IDE: variants seen among roughly 807,000 people sequenced by gnomAD.
The protein encoded by IDE is insulin degrading enzyme.
A neutral mutation model predicts 133.2 loss-of-function variants in IDE; 58 were observed. That is an observed-to-expected ratio of 0.44 (90% CI 0.35 to 0.54). IDE has a LOEUF of 0.54. Ranked by LOEUF, IDE falls within the 20% of genes least tolerant of loss-of-function variation. The pLI, the probability that IDE is intolerant of heterozygous loss-of-function variation, is 0.00. For missense variants in IDE, 981 were observed against 1,234.0 expected (o/e 0.79, Z 3.07); for synonymous variants, 396 against 421.3 (o/e 0.94, Z 0.73).
intron 5 of IDE, among the ~76,000 whole-genome samples, chr10:92,510,774 G>A (rs1046061408): frequency 3.5e-5 from 2 of 57,320 alleles, no homozygotes; most frequent in East Asian, 6.1e-4. Flanking sequence ...ATGATATATA[G>A]CACATACATC....
chr10:92,508,118 C>T lies in IDE; in HGVS notation c.1148G>A (p.Gly383Glu). 6.2e-7 allele frequency: 1 copy of T among 1,607,682 alleles called. No homozygotes were observed. The change falls in exon 8 of 25, where the codon GGA (glycine) becomes GAA (glutamate). Residue 383 changes from glycine to glutamate, a missense_variant. Physicochemically the swap from Gly to Glu is moderately conservative, Grantham distance 98 (BLOSUM62 -2). This residue lies in a region of IDE where 660 missense variants were observed against 894.7 expected (regional missense o/e 0.74). Coordinates refer to ENST00000265986, the MANE Select transcript of IDE (RefSeq NM_004969.4). ...AAAGGTGAATCAATACTTACATAATCCTTCCTCGGTCAAGTCCACATTAAT... is the reference window on the plus strand; with the variant it reads ...AAAGGTGAATCAATACTTACATAATTCTTCCTCGGTCAAGTCCACATTAAT... ...FIINVDLTEE[G>E]LLHVEDIILH...
chr10:92,455,619 C>G lies in IDE; in HGVS notation c.2921G>C (p.Cys974Ser). 6.3e-7 allele frequency: 1 copy of G among 1,599,448 alleles called. No homozygotes were observed. ...DSCPVVGEFP[C>S]QNDINLSQAP... ...TTGTGACAAATTTATGTCATTTTGA[C>G]ATGGGAACTCTCCAACAACAGGACC... Residue 974 changes from cysteine (C) to serine (S), a missense_variant, in exon 24 of 25, where the codon TGT becomes TCT. By Grantham distance (112) the Cys-to-Ser change is moderately radical (BLOSUM62 -1). This residue lies in a region of IDE where 660 missense variants were observed against 894.7 expected (regional missense o/e 0.74). Transcript: ENST00000265986.
At chr10:92,462,317 T>TAA (rs57235158) in intron 21 of IDE, among the ~76,000 whole-genome samples, 2,425 of 75,102 alleles carry the variant, frequency 0.032, 61 homozygotes, top group Middle Eastern at 0.051. Flanking sequence ...AACTGTCTCA[T>TAA]AAAAAAAAAA....
chr10:92,471,902 T>C (rs1845987408), intron 17 of IDE, among the ~76,000 whole-genome samples: 1 of 152,040 alleles, frequency 6.6e-6, no homozygotes, highest in South Asian at 2.1e-4. Flanking sequence ...TTTTGCCATG[T>C]TTAATTGATC....
At chr10:92,537,344 A>G (rs1426815890) in intron 2 of IDE, 22 bp downstream of exon 2, 26 of 1,565,868 alleles carry the variant, frequency 1.7e-5, no homozygotes, top group African/African-American at 2.7e-5. Flanking sequence ...AACAAAGCTT[A>G]ATTCACAATT....
At chr10:92,516,664 A>AT (rs1424266755) in intron 4 of IDE, among the ~76,000 whole-genome samples, 2 of 152,098 alleles carry the variant, frequency 1.3e-5, no homozygotes, top group Non-Finnish European at 2.9e-5. Context: ...TCACTGAGGG[A>AT]TTTTTTTAGA....
intron 13 of IDE, among the ~76,000 whole-genome samples, chr10:92,483,960 CCAA>C (rs1782601015): frequency 1.3e-5 from 2 of 152,258 alleles, no homozygotes; most frequent in Middle Eastern, 3.4e-3. Flanking sequence ...TTAAGGCTGG[CCAA>C]CAACCACATA....
At chr10:92,474,356 A>AC (rs1846138165) in intron 17 of IDE, 1 of 152,604 alleles carries the variant, frequency 6.6e-6, no homozygotes, top group African/African-American at 2.4e-5. Context: ...GGTATGTGCA[A>AC]CCCAGCCCTT....
rs1480712371 is a variant in IDE, at chr10:92,531,997, TTAGA to T, written c.492-84_492-81del. On this transcript the variant is annotated intron_variant, in intron 3 of 24. Coordinates refer to ENST00000265986, the MANE Select transcript of IDE (RefSeq NM_004969.4). ...CTTTTAGAAAGATTTTTGGAACTTA[TTAGA>T]TAGGAAATGTAAATTTTGCAGAATC... 3.9e-5 allele frequency: 39 copies of T among 1,007,320 alleles called. No individual in the cohort carries two copies. The Admixed American group carries it at 9.1e-4, about 24-fold the overall frequency. The allele number at this position is 1,007,320 out of a possible 1,614,324, so 62.4% of individuals were successfully genotyped here. A position where few individuals can be genotyped will look rare whatever the true frequency, so the allele number is the denominator to read the frequency against.
chr10:92,518,351 A>G (rs1849039803), intron 4 of IDE, among the ~76,000 whole-genome samples: 1 of 152,142 alleles, frequency 6.6e-6, no homozygotes, highest in African/African-American at 2.4e-5. Flanking sequence ...TCCTCAACTG[A>G]CATTAGTGGA....
intron 13 of IDE, 125 bp downstream of exon 13, chr10:92,487,071 T>G (rs1402892726): frequency 1.2e-6 from 1 of 817,498 alleles, no homozygotes; most frequent in Middle Eastern, 2.4e-4. Context: ...GCAGCTTTTT[T>G]GTCACCTATT....
chr10:92,533,935 A>C (rs1850082989), intron 3 of IDE, among the ~76,000 whole-genome samples: 1 of 152,092 alleles, frequency 6.6e-6, no homozygotes, highest in Non-Finnish European at 1.5e-5. Flanking sequence ...AGGCAGAAGA[A>C]TTGCTTGAAC....
At chr10:92,491,160 C>T (rs1589414730) in intron 11 of IDE, among the ~76,000 whole-genome samples, 1 of 151,806 alleles carries the variant, frequency 6.6e-6, no homozygotes, top group African/African-American at 2.4e-5. Context: ...ATTGCTTGAG[C>T]CCAGGAGTTT....
rs1846258286 is a variant in IDE, at chr10:92,476,467, GCC to G, written c.1885-475_1885-474del. 2.0e-5 allele frequency among the ~76,000 whole-genome samples: 3 copies of G among 152,010 alleles called. No individual in the cohort carries two copies. In the South Asian group the frequency reaches 6.2e-4, roughly 32 times the overall value. On this transcript the variant is annotated intron_variant, in intron 15 of 24. Transcript: ENST00000265986. ...TGGGATTACAGGTGTGAGCCACCAT[GCC>G]CAGCCTTAACCATCTTTTTTAAAAA...
chr10:92,539,310 A>C (rs1192139445), intron 1 of IDE, among the ~76,000 whole-genome samples: 1 of 152,180 alleles, frequency 6.6e-6, no homozygotes, highest in Non-Finnish European at 1.5e-5. Flanking sequence ...TTTAAAAATC[A>C]CATAGTACTT....
intron 21 of IDE, among the ~76,000 whole-genome samples, chr10:92,461,896 C>T (rs370235472): frequency 3.9e-5 from 6 of 152,074 alleles, no homozygotes; most frequent in South Asian, 4.2e-4. Context: ...AGGATGGTCT[C>T]GATCTCCTAA....
chr10:92,532,613 A>G (rs1850001702), intron 3 of IDE, among the ~76,000 whole-genome samples: 1 of 152,222 alleles, frequency 6.6e-6, no homozygotes, highest in Non-Finnish European at 1.5e-5. Flanking sequence ...TAAGTAACCA[A>G]TATGCCTTTC....
At chr10:92,515,186 A>C in intron 4 of IDE, 144 bp from the exon 5 acceptor site, 1 of 650,636 alleles carries the variant, frequency 1.5e-6, no homozygotes, top group South Asian at 2.2e-5. Context: ...TTGAATGTTA[A>C]GTGAATAAAC....
chr10:92,482,077 T>C (rs975071687), intron 14 of IDE, among the ~76,000 whole-genome samples: 1 of 152,208 alleles, frequency 6.6e-6, no homozygotes, highest in Admixed American at 6.5e-5. Flanking sequence ...CCACAATATT[T>C]ATAATCACTA....
Sources: allele counts gnomAD v4.1 joint callset (sites outside exome capture counted in the v4.1 genomes callset), GRCh38; gene constraint gnomAD v4.1.1; regional missense constraint gnomAD v4.1.1; transcripts MANE v1.5; gene names NCBI Gene and HGNC (gene_info 2026-07-23, HGNC 2026-07-21).